Variants in FASTKD1 observed in about 807,000 individuals in gnomAD.
FASTKD1 encodes FAST kinase domain-containing protein 1, mitochondrial.
FASTKD1 carries 94 observed loss-of-function variants against 90.9 expected under a neutral mutation model. The observed-to-expected ratio is 1.03, with a 90% confidence interval of 0.88 to 1.23. FASTKD1 has a LOEUF of 1.23. Among genes scored for constraint, FASTKD1 ranks in the 50% most tolerant of loss-of-function variants. The pLI is 0.00. For missense variants in FASTKD1, 945 were observed against 993.5 expected, an observed-to-expected ratio of 0.95 and a Z score of 0.66; for synonymous variants, 319 against 345.8, an observed-to-expected ratio of 0.92 and a Z score of 0.86.
At chr2:169,561,747 T>C (rs887759743) in intron 4 of FASTKD1, among the ~76,000 whole-genome samples, 3 of 147,002 alleles carry the variant, frequency 2.0e-5, no homozygotes, top group African/African-American at 7.4e-5. Flanking sequence ...AATTATTCAT[T>C]ATAAATTATT....
chr2:169,556,532 C>T (rs1683323778), intron 6 of FASTKD1, among the ~76,000 whole-genome samples: 1 of 151,342 alleles, frequency 6.6e-6, no homozygotes. Flanking sequence ...AGTTCAAGAC[C>T]AGCCTGGAGG....
intron 3 of FASTKD1, among the ~76,000 whole-genome samples, chr2:169,568,005 C>A (rs1310656810): frequency 1.3e-5 from 2 of 152,166 alleles, no homozygotes; most frequent in Non-Finnish European, 2.9e-5. Context: ...GAATAAATTT[C>A]TCTGTACTCA....
Position 169,560,408 on chromosome 2 carries a change from G to A in FASTKD1, c.950C>T (p.Ala317Val). The part of the protein sequence containing the change: ...VKLFVALGPI[A>V]GPEEKKQLKS... ...TTACTGTTTCTTTTCTTCAGGTCCTGCAATGGGTCCCAATGCTACAAACAA... is the reference window on the plus strand; with the variant it reads ...TTACTGTTTCTTTTCTTCAGGTCCTACAATGGGTCCCAATGCTACAAACAA... The change falls in exon 5 of 15, where the codon GCA (alanine) becomes GTA (valine). Residue 317 changes from alanine to valine, a missense_variant. Transcript: ENST00000453153. 2 of 1,546,138 alleles carry A rather than the reference G, an allele frequency of 1.3e-6. No individual in the cohort carries two copies. Among genetic ancestry groups the A allele is most frequent in the Non-Finnish European group, 1.7e-6 (2 of 1,155,162 alleles).
At chr2:169,562,484 C>T (rs538168840) in intron 4 of FASTKD1, among the ~76,000 whole-genome samples, 2 of 152,238 alleles carry the variant, frequency 1.3e-5, no homozygotes, top group South Asian at 2.1e-4. Context: ...CCACCCACTT[C>T]GGCCTCCCAA....
intron 2 of FASTKD1, 70 bp downstream of exon 2, chr2:169,571,583 A>C: frequency 9.5e-7 from 1 of 1,056,812 alleles, no homozygotes; most frequent in Non-Finnish European, 1.3e-6. Flanking sequence ...AATGAAAATA[A>C]AGAGATTTTT....
At chr2:169,551,136 C>T (rs1328176160) in intron 7 of FASTKD1, among the ~76,000 whole-genome samples, 1 of 152,070 alleles carries the variant, frequency 6.6e-6, no homozygotes, top group Admixed American at 6.6e-5. Flanking sequence ...AAAAAAATAT[C>T]GAGTGTTGGC....
intron 1 of FASTKD1, 106 bp downstream of exon 1, chr2:169,573,563 T>C (rs946768817): frequency 6.6e-6 from 1 of 152,220 alleles, no homozygotes; most frequent in Non-Finnish European, 1.5e-5. Context: ...GAGAACCCAA[T>C]ATCCCGAAGG....
At chr2:169,541,474 A>G (rs1382233144) in intron 9 of FASTKD1, among the ~76,000 whole-genome samples, 1 of 152,224 alleles carries the variant, frequency 6.6e-6, no homozygotes, top group Non-Finnish European at 1.5e-5. Flanking sequence ...AAGGGGTATA[A>G]ATGTATACCA....
intron 6 of FASTKD1, among the ~76,000 whole-genome samples, chr2:169,556,403 T>G (rs2105394463): frequency 6.8e-6 from 1 of 147,110 alleles, no homozygotes; most frequent in African/African-American, 2.5e-5. Context: ...ACCACTGCAC[T>G]CTAGCCTCAG....
At chr2:169,557,151 CAACA>C in intron 6 of FASTKD1, 32 bp downstream of exon 6, 1 of 1,343,882 alleles carries the variant, frequency 7.4e-7, no homozygotes, top group Non-Finnish European at 1.1e-6. Flanking sequence ...TTGTGAATGA[CAACA>C]AACTTAACGT....
In FASTKD1 at chr2:169,531,264, C is replaced by T. The variant is rs143845376; in HGVS notation, c.2327+88G>A. 20 of 1,353,196 alleles carry T rather than the reference C, an allele frequency of 1.5e-5. No individual in the cohort carries two copies. In the East Asian group the frequency reaches 3.5e-4, roughly 23 times the overall value. The allele number at this position is 1,353,196 out of a possible 1,614,324, so 83.8% of individuals were successfully genotyped here. On this transcript the variant is annotated intron_variant, in intron 13 of 14. Coordinates refer to ENST00000453153, the MANE Select transcript of FASTKD1 (RefSeq NM_024622.6). ...GACATATGAGGAACAGATTCCACTA[C>T]CTTCAATCCTTGATCACTGACTTCA...
At chr2:169,560,347 T>C (rs1181268146) in intron 5 of FASTKD1, 40 bp downstream of exon 5, 3 of 1,494,184 alleles carry the variant, frequency 2.0e-6, no homozygotes, top group Non-Finnish European at 2.7e-6. Context: ...GCTCCACGTA[T>C]TCACAACAAA....
At chr2:169,546,773 T>C (rs748615196) in intron 7 of FASTKD1, 69 bp from the exon 8 acceptor site, 30 of 1,374,494 alleles carry the variant, frequency 2.2e-5, no homozygotes, top group Non-Finnish European at 2.9e-5. Context: ...AAAATATGAA[T>C]ACATATGAGT....
Position 169,561,944 on chromosome 2 carries a change from AAATT to A in FASTKD1, c.573-1163_573-1160del, listed in dbSNP as rs1366197100. On this transcript the variant is annotated intron_variant, in intron 4 of 14. Transcript: ENST00000453153. The stretch of plus-strand genomic sequence containing the variant: ...AATCAATTATTTGTTAATTTATTAT[AAATT>A]AATTATTAATTTATTGTAAATTAAT... Among the ~76,000 whole-genome samples the A allele has an allele frequency of 3.6e-5, 5 of 137,800 alleles. 1 individual carries two copies. The highest frequency in any genetic ancestry group is 6.1e-5 in the Non-Finnish European group (4 of 65,238). 90.4% of individuals were successfully genotyped at this position (137,800 alleles called of 152,430 possible).
intron 10 of FASTKD1, 26 bp from the exon 11 acceptor site, chr2:169,538,167 T>G: frequency 6.3e-7 from 1 of 1,576,134 alleles, no homozygotes. Context: ...TACTAATGAA[T>G]TTTGATAGCT....
At chr2:169,568,627 TTAAAAAAAAAAA>T (rs1684096459) in intron 3 of FASTKD1, among the ~76,000 whole-genome samples, 1 of 18,136 alleles carries the variant, frequency 5.5e-5, no homozygotes, top group African/African-American at 2.1e-4. Context: ...ACCCTGTCCA[TTAAAAAAAAAAA>T]AAAAAAAAAA....
intron 12 of FASTKD1, among the ~76,000 whole-genome samples, chr2:169,533,143 C>T (rs1405827314): frequency 2.6e-5 from 4 of 152,036 alleles, no homozygotes; most frequent in African/African-American, 9.7e-5. Context: ...TCTAAAATTT[C>T]CCATCTGTCT....
chr2:169,530,166 CAT>C (rs1343239256), intron 14 of FASTKD1, among the ~76,000 whole-genome samples: 2 of 152,172 alleles, frequency 1.3e-5, no homozygotes, highest in African/African-American at 4.8e-5. Context: ...TTTTTTCCTA[CAT>C]AGTCTTCTAT....
At chr2:169,553,786 G>A (rs1009121956) in intron 7 of FASTKD1, among the ~76,000 whole-genome samples, 1 of 152,092 alleles carries the variant, frequency 6.6e-6, no homozygotes, top group African/African-American at 2.4e-5. Flanking sequence ...GCCGGGTGTG[G>A]CGGCGGGCAC....
Sources: allele counts gnomAD v4.1 joint callset (sites outside exome capture counted in the v4.1 genomes callset), GRCh38; gene constraint gnomAD v4.1.1; transcripts MANE v1.5; gene names NCBI Gene and HGNC (gene_info 2026-07-23, HGNC 2026-07-21).